Variants in ERC2 observed in about 807,000 individuals in gnomAD.
The protein encoded by ERC2 is ELKS/RAB6-interacting/CAST family member 2.
In ERC2, 42 loss-of-function variants were observed where a neutral mutation model predicts 114.8. The ratio of observed to expected loss-of-function variants is 0.37; its 90% CI spans 0.29 to 0.47. ERC2 has a LOEUF of 0.47. ERC2 is among the 20% of genes least tolerant of loss of function. The probability of loss-of-function intolerance (pLI) is 0.99; values close to 1 mark genes in which losing one functional copy is unlikely to be tolerated. For synonymous variants in ERC2, 454 were observed against 425.5 expected (o/e 1.07, Z -0.82); for missense variants, 939 against 1,150.7 (o/e 0.82, Z 2.66).
intron 2 of ERC2, among the ~76,000 whole-genome samples, chr3:56,312,298 G>A (rs1462570001): frequency 1.3e-5 from 2 of 152,142 alleles, no homozygotes; most frequent in South Asian, 2.1e-4. Context: ...AAAATTATCC[G>A]ATCGATGCCA....
At chr3:55,615,560 G>C (rs977970539) in intron 17 of ERC2, among the ~76,000 whole-genome samples, 8 of 152,086 alleles carry the variant, frequency 5.3e-5, no homozygotes, top group African/African-American at 1.9e-4. Flanking sequence ...CCAGTGCCTA[G>C]TGGGCCCCAG....
At chr3:56,450,294 C>T (rs2062772446) in intron 1 of ERC2, among the ~76,000 whole-genome samples, 1 of 152,194 alleles carries the variant, frequency 6.6e-6, no homozygotes. Context: ...GCTGCCTTGG[C>T]TCATGTTTTA....
intron 14 of ERC2, among the ~76,000 whole-genome samples, chr3:55,817,535 G>T (rs537100640): frequency 3.3e-5 from 5 of 152,292 alleles, no homozygotes; most frequent in Admixed American, 6.5e-5. Context: ...TATTTATATT[G>T]TCATAAGAAT....
intron 16 of ERC2, among the ~76,000 whole-genome samples, chr3:55,686,188 C>A (rs1474891744): frequency 1.3e-5 from 2 of 152,116 alleles, no homozygotes; most frequent in African/African-American, 4.8e-5. Context: ...TTATTAAAAA[C>A]CAGATGTTCA....
chr3:55,684,097 C>T (rs1484438716), intron 16 of ERC2, among the ~76,000 whole-genome samples: 1 of 152,176 alleles, frequency 6.6e-6, no homozygotes, highest in South Asian at 2.1e-4. Flanking sequence ...ATTCCACCCA[C>T]CCAGCTCTGA....
intron 2 of ERC2, among the ~76,000 whole-genome samples, chr3:56,368,487 A>T (rs2059238726): frequency 6.6e-6 from 1 of 152,214 alleles, no homozygotes; most frequent in South Asian, 2.1e-4. Context: ...CGAGAAGATA[A>T]CCTTCAACAA....
intron 14 of ERC2, among the ~76,000 whole-genome samples, chr3:55,791,884 C>T (rs561390731): frequency 6.6e-6 from 1 of 152,252 alleles, no homozygotes; most frequent in South Asian, 2.1e-4. Context: ...ATCTGATCCA[C>T]CTTCCTATTG....
rs376598882 is a variant in ERC2, at chr3:55,549,930, A to G, written c.*40-38654T>C. ...CCCAACCCCCCTCCCCGACACACAC[A>G]AGAGAGAGAGAGAGAGAGAGAGAGA... On this transcript the variant is annotated intron_variant, in intron 17 of 17. Coordinates refer to ENST00000288221, the MANE Select transcript of ERC2 (RefSeq NM_015576.3). Among the ~76,000 whole-genome samples the G allele has an allele frequency of 4.9e-3, 460 of 94,128 alleles. 4 individuals carry two copies. Among genetic ancestry groups the G allele is most frequent in the East Asian group, 0.017 (36 of 2,134 alleles). The allele number at this position is 94,128 out of a possible 152,430, so 61.8% of individuals were successfully genotyped here. A position where few individuals can be genotyped will look rare whatever the true frequency, so the allele number is the denominator to read the frequency against.
intron 4 of ERC2, among the ~76,000 whole-genome samples, chr3:56,156,794 C>T (rs944520765): frequency 6.6e-6 from 1 of 152,178 alleles, no homozygotes; most frequent in Non-Finnish European, 1.5e-5. Context: ...CCAACCTGAA[C>T]ACTAACTGCA....
intron 17 of ERC2, among the ~76,000 whole-genome samples, chr3:55,538,925 G>A (rs2054182088): frequency 6.6e-6 from 1 of 152,084 alleles, no homozygotes; most frequent in Non-Finnish European, 1.5e-5. Flanking sequence ...ATTAAATGAA[G>A]CCAACGGAGA....
intron 17 of ERC2, among the ~76,000 whole-genome samples, chr3:55,605,580 T>C (rs1320303516): frequency 1.3e-5 from 2 of 152,250 alleles, no homozygotes; most frequent in Non-Finnish European, 2.9e-5. Flanking sequence ...TTAGGCAAGA[T>C]GAGACACTTC....
intron 2 of ERC2, among the ~76,000 whole-genome samples, chr3:56,355,462 G>A (rs1243295318): frequency 6.6e-6 from 1 of 151,890 alleles, no homozygotes; most frequent in Admixed American, 6.6e-5. Flanking sequence ...GAGACCACAG[G>A]CATGCACATC....
At chr3:56,106,402 C>T (rs1447545791) in intron 6 of ERC2, among the ~76,000 whole-genome samples, 2 of 152,146 alleles carry the variant, frequency 1.3e-5, no homozygotes, top group Non-Finnish European at 2.9e-5. Flanking sequence ...GAAGAAGGAA[C>T]CAAAAGTATT....
chr3:55,808,653 A>T (rs1348479834), intron 14 of ERC2, among the ~76,000 whole-genome samples: 1 of 146,914 alleles, frequency 6.8e-6, no homozygotes, highest in African/African-American at 2.5e-5. Context: ...CAGAGAGGGT[A>T]AATGTTCAAG....
At chr3:56,413,753 T>C (rs2061034195) in intron 2 of ERC2, among the ~76,000 whole-genome samples, 1 of 152,240 alleles carries the variant, frequency 6.6e-6, no homozygotes, top group African/African-American at 2.4e-5. Flanking sequence ...TTGAATTTCC[T>C]AACACTCTTC....
At chr3:56,071,088 T>C (rs934603867) in intron 7 of ERC2, among the ~76,000 whole-genome samples, 8 of 152,156 alleles carry the variant, frequency 5.3e-5, no homozygotes, top group African/African-American at 1.7e-4. Context: ...TCTCCATGAG[T>C]CTGAGTTCCC....
intron 6 of ERC2, among the ~76,000 whole-genome samples, chr3:56,096,995 T>C (rs896264495): frequency 1.3e-5 from 2 of 152,224 alleles, no homozygotes; most frequent in African/African-American, 4.8e-5. Flanking sequence ...GAGGTTCCAT[T>C]GTAACACCTC....
intron 17 of ERC2, among the ~76,000 whole-genome samples, chr3:55,575,516 G>T (rs1163906574): frequency 6.6e-6 from 1 of 152,236 alleles, no homozygotes; most frequent in African/African-American, 2.4e-5. Context: ...GCAAAATGGG[G>T]ATGATGGAAA....
chr3:56,212,744 A>ATGTG (rs2049149745), intron 3 of ERC2, among the ~76,000 whole-genome samples: 1 of 146,438 alleles, frequency 6.8e-6, no homozygotes, highest in Admixed American at 7.1e-5. Flanking sequence ...AATATGATAT[A>ATGTG]TATATGTGTG....
Sources: gnomAD v4.1 joint callset for allele counts (sites outside exome capture counted in the v4.1 genomes callset) on GRCh38, gnomAD v4.1.1 for gene constraint, MANE v1.5 for transcripts, NCBI Gene and HGNC (gene_info 2026-07-23, HGNC 2026-07-21) for gene names.